MYPOP: variants seen among roughly 807,000 people sequenced by gnomAD.
MYPOP encodes the protein Myb related transcription factor, partner of profilin.
In MYPOP, 21 loss-of-function variants were observed where a neutral mutation model predicts 25.7. That is an observed-to-expected ratio of 0.82 (90% CI 0.58 to 1.18). The LOEUF (loss-of-function observed/expected upper bound fraction) is 1.18, where lower values mean the gene tolerates loss of function less well. Ranked by LOEUF, MYPOP falls within the 50% of genes most tolerant of loss-of-function variation. MYPOP has a pLI of 0.00. For synonymous variants in MYPOP, 280 were observed against 247.9 expected, an observed-to-expected ratio of 1.13 and a Z score of -1.22; for missense variants, 566 against 588.3, an observed-to-expected ratio of 0.96 and a Z score of 0.39.
chr19:45,897,868 G>T (rs1393347966), intron 2 of MYPOP, among the ~76,000 whole-genome samples: 2 of 150,920 alleles, frequency 1.3e-5, no homozygotes, highest in African/African-American at 4.9e-5. Flanking sequence ...CTGTTTAAAA[G>T]TTAAAATCAT....
intron 2 of MYPOP, among the ~76,000 whole-genome samples, chr19:45,896,147 CG>C: frequency 6.6e-6 from 1 of 152,128 alleles, no homozygotes; most frequent in South Asian, 2.1e-4. Flanking sequence ...AAAAATTAGC[CG>C]GGTGTGGTGG....
At chr19:45,898,586 G>T (rs1318993983) in intron 2 of MYPOP, among the ~76,000 whole-genome samples, 1 of 152,040 alleles carries the variant, frequency 6.6e-6, no homozygotes, top group African/African-American at 2.4e-5. Flanking sequence ...GCCTCCCAAA[G>T]AACTAGTATT....
chr19:45,898,509 G>C (rs1967240422), intron 2 of MYPOP, among the ~76,000 whole-genome samples: 1 of 151,974 alleles, frequency 6.6e-6, no homozygotes, highest in East Asian at 1.9e-4. Flanking sequence ...TTTTAGTAGA[G>C]ACGGGGTTTC....
At position 45,890,579 on chromosome 19, in the gene MYPOP, A is replaced by G; in HGVS notation, c.*44T>C. 4 of 1,603,578 alleles carry G rather than the reference A, an allele frequency of 2.5e-6. No individual in the cohort carries two copies. The highest frequency in any genetic ancestry group is 3.4e-6 in the Non-Finnish European group (4 of 1,174,158). ...GAGCATCGCCCCCCTCGACTGCGCC[A>G]AGCTGGGGAGAGGGGTTGCAGGCAG... On this transcript the variant is annotated 3_prime_UTR_variant, in exon 3 of 3. Coordinates refer to ENST00000322217, the MANE Select transcript of MYPOP (RefSeq NM_001012643.4).
At position 45,901,777 on chromosome 19, in the gene MYPOP, GC is replaced by G. The variant is rs1271101119; in HGVS notation, c.-5del. On this transcript the variant is annotated 5_prime_UTR_variant, in exon 2 of 3. Coordinates refer to ENST00000322217, the MANE Select transcript of MYPOP (RefSeq NM_001012643.4). This position sits in a 1 kb window ranked among gnomAD's most constrained non-coding sequence, Gnocchi z 5.7. ...CGCCCGCCGCCGCCGAGGCCATGGCGCCCCCCGACGCCGCCGTCCTGCCGTC... is the reference window on the plus strand; with the variant it reads ...CGCCCGCCGCCGCCGAGGCCATGGCGCCCCCGACGCCGCCGTCCTGCCGTC... The G allele has an allele frequency of 5.6e-6, 8 of 1,428,830 alleles. No individual in the cohort carries two copies. In the African/African-American group the frequency reaches 6.0e-5, roughly 11 times the overall value. The allele number at this position is 1,428,830 out of a possible 1,614,324, so 88.5% of individuals were successfully genotyped here. A position where few individuals can be genotyped will look rare whatever the true frequency, so the allele number is the denominator to read the frequency against.
chr19:45,898,378 A>G (rs565578507), intron 2 of MYPOP, among the ~76,000 whole-genome samples: 40 of 150,702 alleles, frequency 2.7e-4, no homozygotes, highest in Admixed American at 7.9e-4. Flanking sequence ...GCTGAAGTGC[A>G]ATGGCGCGAT....
At chr19:45,894,411 C>A (rs546618025) in intron 2 of MYPOP, among the ~76,000 whole-genome samples, 2 of 151,056 alleles carry the variant, frequency 1.3e-5, no homozygotes, top group South Asian at 4.2e-4. Flanking sequence ...CCGTGCCTGG[C>A]CTTAATTTTC....
chr19:45,896,505 T>C (rs914474974), intron 2 of MYPOP, among the ~76,000 whole-genome samples: 1 of 152,188 alleles, frequency 6.6e-6, no homozygotes, highest in African/African-American at 2.4e-5. Flanking sequence ...GGGTAGGTGC[T>C]ACCATGATCA....
intron 2 of MYPOP, among the ~76,000 whole-genome samples, chr19:45,894,731 T>C (rs909868235): frequency 6.6e-6 from 1 of 151,502 alleles, no homozygotes; most frequent in Non-Finnish European, 1.5e-5. Flanking sequence ...TTTCTTTTTT[T>C]TTTTTGAGAT....
chr19:45,890,361 TA>T lies in MYPOP; in HGVS notation c.*261del. Reference sequence around the variant, plus strand: ...CTCCCCACCCCACATAGGGCAATAATAAATAACATGAAATTGATGGCTTAGA... The same window carrying T: ...CTCCCCACCCCACATAGGGCAATAATAATAACATGAAATTGATGGCTTAGA... On this transcript the variant is annotated 3_prime_UTR_variant, in exon 3 of 3. Transcript: ENST00000322217. 2.4e-6 allele frequency: 1 copy of T among 421,120 alleles called. No individual in the cohort carries two copies. The highest frequency in any genetic ancestry group is 4.2e-6 in the Non-Finnish European group (1 of 240,126). The allele number at this position is 421,120 out of a possible 1,614,324, so 26.1% of individuals were successfully genotyped here. A position where few individuals can be genotyped will look rare whatever the true frequency, so the allele number is the denominator to read the frequency against.
Position 45,901,123 on chromosome 19 carries a change from C to T in MYPOP, c.499+152G>A. 1 of 768,366 alleles carries T rather than the reference C, an allele frequency of 1.3e-6. No individual in the cohort carries two copies. The highest frequency in any genetic ancestry group is 3.3e-5 in the South Asian group (1 of 30,522). 47.6% of individuals were successfully genotyped at this position (768,366 alleles called of 1,614,324 possible). On this transcript the variant is annotated intron_variant, in intron 2 of 2. Transcript: ENST00000322217. The surrounding 1 kb of genome is among the most constrained non-coding windows in gnomAD (Gnocchi z 5.7). ...CAGTTACTAGCTATCGGAACTGAGG[C>T]AAGTCATTTCATTTTTCTGAGCTTC...
rs1967124490 is a variant in MYPOP at position 45,891,408 on chromosome 19, C to T, written c.500-85G>A. ...CTTTCCCACTCCTTCCCTCACCTCC[C>T]CCCTACCCGAACCCAGAACTATCCT... On this transcript the variant is annotated intron_variant, in intron 2 of 2. Transcript: ENST00000322217. 2.9e-6 allele frequency: 4 copies of T among 1,387,344 alleles called. No individual in the cohort carries two copies. In the South Asian group the frequency reaches 6.4e-5, roughly 22 times the overall value. The allele number at this position is 1,387,344 out of a possible 1,614,324, so 85.9% of individuals were successfully genotyped here.
chr19:45,896,687 G>A (rs184445541), intron 2 of MYPOP, among the ~76,000 whole-genome samples: 2,420 of 149,624 alleles, frequency 0.016, 38 homozygotes, highest in East Asian at 0.083. Context: ...CTGCAGTGGC[G>A]CAATCTCGGC....
rs2146383843 is a variant in MYPOP at position 45,901,918 on chromosome 19, C to G, written c.-52-93G>C. On this transcript the variant is annotated intron_variant, in intron 1 of 2. Transcript: ENST00000322217. The surrounding 1 kb of genome is among the most constrained non-coding windows in gnomAD (Gnocchi z 5.7). ...GCCGGGCCGAGAGCTCCTTAGTCCC[C>G]GGGGGCAGGAGTGGGGGCGGGGGGC... 2.2e-5 allele frequency: 12 copies of G among 555,254 alleles called. No individual in the cohort carries two copies. The highest frequency in any genetic ancestry group is 1.3e-4 in the East Asian group (3 of 22,954). The allele number at this position is 555,254 out of a possible 1,614,324, so 34.4% of individuals were successfully genotyped here.
chr19:45,895,044 C>T (rs1209034174), intron 2 of MYPOP, among the ~76,000 whole-genome samples: 4 of 152,076 alleles, frequency 2.6e-5, no homozygotes, highest in African/African-American at 4.8e-5. Flanking sequence ...TTTAAAAAAA[C>T]ACAAGTCAGA....
intron 2 of MYPOP, among the ~76,000 whole-genome samples, chr19:45,898,365 C>T (rs1389209426): frequency 6.6e-6 from 1 of 151,498 alleles, no homozygotes; most frequent in East Asian, 1.9e-4. Context: ...TCTTGTTGCC[C>T]AGGCTGAAGT....
chr19:45,897,111 T>C (rs1205455019), intron 2 of MYPOP, among the ~76,000 whole-genome samples: 2 of 150,530 alleles, frequency 1.3e-5, no homozygotes, highest in Non-Finnish European at 3.0e-5. Flanking sequence ...TCACCCAGGC[T>C]GGAGTGCAAT....
chr19:45,895,519 A>T (rs111325693), intron 2 of MYPOP, among the ~76,000 whole-genome samples: 112 of 151,932 alleles, frequency 7.4e-4, no homozygotes, highest in Non-Finnish European at 1.3e-3. Flanking sequence ...TTCCTCTCCC[A>T]GCACTTATCT....
Position 45,901,801 on chromosome 19 carries a change from G to T in MYPOP, c.-28C>A, listed in dbSNP as rs1439237345. 2.2e-6 allele frequency: 3 copies of T among 1,376,334 alleles called. No individual in the cohort carries two copies. The highest frequency in any genetic ancestry group is 1.5e-5 in the African/African-American group (1 of 64,954). 85.3% of individuals were successfully genotyped at this position (1,376,334 alleles called of 1,614,324 possible). A position where few individuals can be genotyped will look rare whatever the true frequency, so the allele number is the denominator to read the frequency against. Reference sequence around the variant, plus strand: ...CGCCCCCCGACGCCGCCGTCCTGCCGTCTGGCGCATGGGGGGCGCCGGCGC... The same window carrying T: ...CGCCCCCCGACGCCGCCGTCCTGCCTTCTGGCGCATGGGGGGCGCCGGCGC... On this transcript the variant is annotated 5_prime_UTR_variant, in exon 2 of 3. Coordinates refer to ENST00000322217, the MANE Select transcript of MYPOP (RefSeq NM_001012643.4). The surrounding 1 kb of genome is among the most constrained non-coding windows in gnomAD (Gnocchi z 5.7).
Sources: gnomAD v4.1 joint callset for allele counts (sites outside exome capture counted in the v4.1 genomes callset) on GRCh38, gnomAD v4.1.1 for gene constraint, Gnocchi (gnomAD v3.1) non-coding constraint, MANE v1.5 for transcripts, NCBI Gene and HGNC (gene_info 2026-07-23, HGNC 2026-07-21) for gene names.